REDIC1: variants seen among roughly 807,000 people sequenced by gnomAD.
REDIC1 encodes regulator of DNA class I crossover intermediates 1.
chr12:39,716,119 G>T, the REDIC1 span, among the ~76,000 whole-genome samples: 23 of 151,820 alleles, frequency 1.5e-4, no homozygotes, highest in African/African-American at 5.6e-4. Context: ...TTCATGTTCT[G>T]CAGCCTTTTG....
At chr12:39,714,272 TATATGTATATACGTATATGCATGCA>T in the REDIC1 span, among the ~76,000 whole-genome samples, 2 of 149,084 alleles carry the variant, frequency 1.3e-5, no homozygotes, top group Non-Finnish European at 3.0e-5. Flanking sequence ...CATATATGTA[TATATGTATATACGTATATGCATGCA>T]TATATGTATA....
At chr12:39,645,458 G>C in the REDIC1 span, among the ~76,000 whole-genome samples, 1 of 152,004 alleles carries the variant, frequency 6.6e-6, no homozygotes, top group Non-Finnish European at 1.5e-5. Flanking sequence ...ATACTATCAA[G>C]ATTCTTTTTC....
At chr12:39,778,262 C>T in the REDIC1 span, among the ~76,000 whole-genome samples, 1 of 152,218 alleles carries the variant, frequency 6.6e-6, no homozygotes, top group East Asian at 1.9e-4. Flanking sequence ...GAATGTTTGT[C>T]AAAGTCTCAG....
At chr12:39,720,724 G>A in the REDIC1 span, 2 of 1,177,782 alleles carry the variant, frequency 1.7e-6, no homozygotes, top group Non-Finnish European at 1.2e-6. Context: ...ATTCTTTGAA[G>A]TGATTGAATG....
At chr12:39,674,005 A>T in the REDIC1 span, among the ~76,000 whole-genome samples, 1 of 152,180 alleles carries the variant, frequency 6.6e-6, no homozygotes, top group African/African-American at 2.4e-5. Context: ...AATGAATTTT[A>T]TATTTATCTA....
chr12:39,721,155 A>G, the REDIC1 span: 1 of 1,613,584 alleles, frequency 6.2e-7, no homozygotes, highest in African/African-American at 1.3e-5. Context: ...CAAAATGTAC[A>G]TGTAGAAGTG....
At chr12:39,830,371 G>A in the REDIC1 span, 1 of 1,421,240 alleles carries the variant, frequency 7.0e-7, no homozygotes, top group Non-Finnish European at 9.2e-7. Flanking sequence ...CAAGGAAAGT[G>A]ACATGCGCTG....
At chr12:39,780,204 TAA>T in the REDIC1 span, among the ~76,000 whole-genome samples, 21,347 of 152,198 alleles carry the variant, frequency 0.14, 1,730 homozygotes, top group East Asian at 0.39. Context: ...ATTTTGCATA[TAA>T]GTCTTTTTTA....
the REDIC1 span, among the ~76,000 whole-genome samples, chr12:39,885,162 T>C: frequency 3.3e-5 from 5 of 152,180 alleles, no homozygotes; most frequent in Non-Finnish European, 7.4e-5. Flanking sequence ...GCAAAAGAAC[T>C]GAGTGGGGAA....
the REDIC1 span, among the ~76,000 whole-genome samples, chr12:39,782,862 G>T: frequency 6.6e-6 from 1 of 152,072 alleles, no homozygotes; most frequent in Non-Finnish European, 1.5e-5. Flanking sequence ...GGTGACTCTT[G>T]TTATTTTTAT....
At chr12:39,900,767 G>T in the REDIC1 span, among the ~76,000 whole-genome samples, 2 of 152,128 alleles carry the variant, frequency 1.3e-5, no homozygotes, top group Non-Finnish European at 2.9e-5. Context: ...TACTGCCCAA[G>T]GTAATTTATA....
At chr12:39,677,583 C>A in the REDIC1 span, among the ~76,000 whole-genome samples, 4 of 152,100 alleles carry the variant, frequency 2.6e-5, no homozygotes, top group African/African-American at 9.7e-5. Context: ...TACCCTAGAA[C>A]AAATGCACTT....
At chr12:39,806,949 G>GA in the REDIC1 span, among the ~76,000 whole-genome samples, 4 of 152,008 alleles carry the variant, frequency 2.6e-5, no homozygotes, top group East Asian at 7.7e-4. Flanking sequence ...ATTATGCTGA[G>GA]AAAAAAGCCA....
the REDIC1 span, among the ~76,000 whole-genome samples, chr12:39,732,726 T>G: frequency 1.3e-5 from 2 of 152,342 alleles, no homozygotes. Context: ...TTAATATAAT[T>G]AATTATGAAC....
the REDIC1 span, among the ~76,000 whole-genome samples, chr12:39,686,467 T>A: frequency 6.6e-6 from 1 of 152,224 alleles, no homozygotes; most frequent in Non-Finnish European, 1.5e-5. Flanking sequence ...GAGCCATGGC[T>A]GGAGCTGGAG....
At chr12:39,698,215 A>G in the REDIC1 span, among the ~76,000 whole-genome samples, 1 of 152,194 alleles carries the variant, frequency 6.6e-6, no homozygotes, top group African/African-American at 2.4e-5. Flanking sequence ...AACAATGTTA[A>G]GAGATGAGAC....
the REDIC1 span, among the ~76,000 whole-genome samples, chr12:39,803,867 C>A: frequency 7.2e-5 from 11 of 151,952 alleles, no homozygotes; most frequent in Non-Finnish European, 1.5e-4. Flanking sequence ...AAACAAGAAT[C>A]TTCATATTTA....
chr12:39,726,991 G>T, the REDIC1 span, among the ~76,000 whole-genome samples: 1,307 of 152,178 alleles, frequency 8.6e-3, 8 homozygotes, highest in Non-Finnish European at 0.013. Context: ...CATATCCTTT[G>T]CCCACTTTTT....
the REDIC1 span, among the ~76,000 whole-genome samples, chr12:39,810,077 G>A: frequency 5.9e-5 from 9 of 152,244 alleles, no homozygotes; most frequent in African/African-American, 2.2e-4. Flanking sequence ...CTGAGGAATC[G>A]CCACACTGAC....
Sources: gnomAD v4.1 joint callset for allele counts (sites outside exome capture counted in the v4.1 genomes callset) on GRCh38, gnomAD v4.1.1 for gene constraint, MANE v1.5 for transcripts, NCBI Gene and HGNC (gene_info 2026-07-23, HGNC 2026-07-21) for gene names.